The following KCNK10 variants were observed in gnomAD, a reference collection of about 807,000 sequenced individuals.
The protein encoded by KCNK10 is potassium two pore domain channel subfamily K member 10, also known as potassium channel subfamily K member 10.
KCNK10 carries 25 observed loss-of-function variants against 47.7 expected under a neutral mutation model. That is an observed-to-expected ratio of 0.52 (90% CI 0.38 to 0.73). The LOEUF is 0.73. Among genes scored for constraint, KCNK10 ranks in the 30% least tolerant of loss-of-function variants. The pLI is 0.00. For missense variants in KCNK10, 563 were observed against 714.5 expected, an observed-to-expected ratio of 0.79 and a Z score of 2.42; for synonymous variants, 303 against 285.6, an observed-to-expected ratio of 1.06 and a Z score of -0.61.
intron 2 of KCNK10, among the ~76,000 whole-genome samples, chr14:88,255,380 C>T (rs1886922670): frequency 6.6e-6 from 1 of 152,110 alleles, no homozygotes; most frequent in Non-Finnish European, 1.5e-5. Flanking sequence ...TTTCCTCATC[C>T]ATAAAATGAG....
At chr14:88,236,394 G>A (rs1444916795) in intron 3 of KCNK10, among the ~76,000 whole-genome samples, 1 of 152,054 alleles carries the variant, frequency 6.6e-6, no homozygotes, top group Non-Finnish European at 1.5e-5. Flanking sequence ...CAAATGTTAA[G>A]CTACAACTGT....
chr14:88,228,151 T>C (rs547568090), intron 3 of KCNK10, among the ~76,000 whole-genome samples: 1 of 152,182 alleles, frequency 6.6e-6, no homozygotes, highest in African/African-American at 2.4e-5. Context: ...TTTTTTTCTC[T>C]TTACTGGGAA....
At chr14:88,293,502 G>A (rs1023918607) in intron 1 of KCNK10, among the ~76,000 whole-genome samples, 1 of 152,084 alleles carries the variant, frequency 6.6e-6, no homozygotes, top group Non-Finnish European at 1.5e-5. Flanking sequence ...TCTTCAACAT[G>A]TATTTCATCA....
At chr14:88,284,541 C>G (rs1459719440) in intron 1 of KCNK10, among the ~76,000 whole-genome samples, 1 of 152,180 alleles carries the variant, frequency 6.6e-6, no homozygotes, top group African/African-American at 2.4e-5. Context: ...CCCTGGCAAA[C>G]CACTGGTGTA....
rs151113239 is a variant in KCNK10, at chr14:88,196,226, T to A, written c.682-3816A>T. On this transcript the variant is annotated intron_variant, in intron 4 of 6. Transcript: ENST00000319231. ...TTTTAAGTACTCAAAACCCATCTCC[T>A]GTAGAGTTCATTTAGTTGTTAAAAT... is the stretch of plus-strand genomic sequence containing the variant. Among the ~76,000 whole-genome samples, 432 of 152,354 alleles carry A rather than the reference T, an allele frequency of 2.8e-3. 2 individuals carry two copies. The highest frequency in any genetic ancestry group is 0.01 in the African/African-American group (423 of 41,598).
chr14:88,220,878 A>G (rs189060988), intron 4 of KCNK10, among the ~76,000 whole-genome samples: 15 of 152,108 alleles, frequency 9.9e-5, no homozygotes, highest in African/African-American at 3.6e-4. Flanking sequence ...TAAAATTAAA[A>G]CCTCTGCTCT....
rs553600510 is a variant in KCNK10 at position 88,210,371 on chromosome 14, T to C, written c.681+17004A>G. Among the ~76,000 whole-genome samples the C allele has an allele frequency of 9.4e-4, 143 of 152,328 alleles. 1 individual carries two copies. Among genetic ancestry groups the C allele is most frequent in the African/African-American group, 3.1e-3 (128 of 41,572 alleles). ...CCTTGTTTATTGCCACATATCCCTA[T>C]AGTGTTGAGAACACACACAAAAAAG... On this transcript the variant is annotated intron_variant, in intron 4 of 6. Transcript: ENST00000319231.
intron 4 of KCNK10, among the ~76,000 whole-genome samples, chr14:88,193,725 G>A (rs929613278): frequency 6.6e-6 from 1 of 152,106 alleles, no homozygotes; most frequent in African/African-American, 2.4e-5. Context: ...GGGGTTAAGG[G>A]ACTTGCATAA....
intron 2 of KCNK10, among the ~76,000 whole-genome samples, chr14:88,254,096 C>T (rs574939917): frequency 6.6e-6 from 1 of 152,054 alleles, no homozygotes; most frequent in Non-Finnish European, 1.5e-5. Context: ...CAGATGAAGG[C>T]CCCGGGACTT....
intron 2 of KCNK10, among the ~76,000 whole-genome samples, chr14:88,253,234 T>G (rs1466170367): frequency 6.6e-6 from 1 of 152,082 alleles, no homozygotes; most frequent in Admixed American, 6.5e-5. Context: ...GAGCAGAGGA[T>G]AGGGAAGGAT....
intron 1 of KCNK10, 133 bp from the exon 2 acceptor site, chr14:88,263,684 A>G (rs1337142798): frequency 1.3e-6 from 1 of 786,434 alleles, no homozygotes; most frequent in Non-Finnish European, 2.0e-6. Flanking sequence ...TGGTTCACCA[A>G]GCCTGCAGTT....
At chr14:88,321,993 C>A (rs1310822509) in intron 1 of KCNK10, among the ~76,000 whole-genome samples, 1 of 152,180 alleles carries the variant, frequency 6.6e-6, no homozygotes, top group African/African-American at 2.4e-5. Flanking sequence ...TAGGCACACA[C>A]AAATCCGTCT....
At chr14:88,228,156 T>C (rs561255164) in intron 3 of KCNK10, among the ~76,000 whole-genome samples, 29 of 152,306 alleles carry the variant, frequency 1.9e-4, no homozygotes, top group African/African-American at 4.8e-4. Context: ...TTCTCTTTAC[T>C]GGGAACTCCA....
At chr14:88,243,891 G>A (rs1886549666) in intron 2 of KCNK10, among the ~76,000 whole-genome samples, 1 of 151,234 alleles carries the variant, frequency 6.6e-6, no homozygotes, top group Non-Finnish European at 1.5e-5. Context: ...TTCTATCTGT[G>A]ACGTCAATTC....
At chr14:88,223,308 C>CTTT in intron 4 of KCNK10, among the ~76,000 whole-genome samples, 1 of 135,092 alleles carries the variant, frequency 7.4e-6, no homozygotes, top group East Asian at 2.2e-4. Context: ...CTTTAAAAAC[C>CTTT]TTTTTTTTTT....
At chr14:88,203,179 A>G (rs1410018961) in intron 4 of KCNK10, among the ~76,000 whole-genome samples, 1 of 152,188 alleles carries the variant, frequency 6.6e-6, no homozygotes, top group African/African-American at 2.4e-5. Context: ...AGCAGCATCC[A>G]GGGGCCACCG....
At chr14:88,252,895 A>T (rs890759425) in intron 2 of KCNK10, among the ~76,000 whole-genome samples, 3 of 152,162 alleles carry the variant, frequency 2.0e-5, no homozygotes, top group African/African-American at 7.2e-5. Flanking sequence ...CCTGCTCATC[A>T]TGTTGTTTGA....
At chr14:88,225,121 G>T (rs1595090759) in intron 4 of KCNK10, among the ~76,000 whole-genome samples, 1 of 152,136 alleles carries the variant, frequency 6.6e-6, no homozygotes, top group East Asian at 1.9e-4. Context: ...AACGTAATTG[G>T]ACTTTTAAAT....
At chr14:88,287,207 C>A (rs1887781202) in intron 1 of KCNK10, among the ~76,000 whole-genome samples, 1 of 152,168 alleles carries the variant, frequency 6.6e-6, no homozygotes. Context: ...AGCCTTACAC[C>A]CTGTGAAAAA....
Sources: allele counts gnomAD v4.1 joint callset (sites outside exome capture counted in the v4.1 genomes callset), GRCh38; gene constraint gnomAD v4.1.1; transcripts MANE v1.5; gene names NCBI Gene and HGNC (gene_info 2026-07-23, HGNC 2026-07-21).